CHID1: variants seen among roughly 807,000 people sequenced by gnomAD.
CHID1 encodes chitinase domain-containing protein 1.
Under a neutral mutation model 55.4 loss-of-function variants are expected in CHID1, and 44 were observed. That is an observed-to-expected ratio of 0.79 (90% CI 0.62 to 1.02). The LOEUF (loss-of-function observed/expected upper bound fraction) is 1.02, where lower values mean the gene tolerates loss of function less well. CHID1 is among the 50% of genes least tolerant of loss of function. CHID1 has a pLI of 0.00. For synonymous variants in CHID1, 216 were observed against 212.9 expected (o/e 1.01, Z -0.13); for missense variants, 491 against 515.3 (o/e 0.95, Z 0.46).
intron 8 of CHID1, among the ~76,000 whole-genome samples, chr11:891,228 T>C (rs879684735): frequency 2.0e-5 from 3 of 152,028 alleles, no homozygotes; most frequent in Non-Finnish European, 4.4e-5. Flanking sequence ...TGTGCTCCAG[T>C]GGAGCGGGCG....
chr11:907,956 G>A (rs562877640), intron 1 of CHID1, among the ~76,000 whole-genome samples: 2 of 152,324 alleles, frequency 1.3e-5, no homozygotes, highest in South Asian at 4.1e-4. Flanking sequence ...GCTTTCTTCT[G>A]CAGAGGCACA....
At chr11:874,176 A>AG (rs1206555505) in intron 10 of CHID1, among the ~76,000 whole-genome samples, 3 of 152,146 alleles carry the variant, frequency 2.0e-5, no homozygotes, top group Non-Finnish European at 2.9e-5. Context: ...TTAAAAACAG[A>AG]GGGGGCCGGG....
At chr11:890,229 C>T (rs1850704704) in intron 8 of CHID1, among the ~76,000 whole-genome samples, 1 of 152,370 alleles carries the variant, frequency 6.6e-6, no homozygotes, top group Middle Eastern at 3.4e-3. Flanking sequence ...TACGGTCCCC[C>T]ACAGAGGCCT....
intron 8 of CHID1, among the ~76,000 whole-genome samples, chr11:892,879 C>T (rs1036407994): frequency 3.3e-5 from 5 of 152,248 alleles, no homozygotes; most frequent in African/African-American, 4.8e-5. Context: ...TGTGCTGGCA[C>T]AGGCATGTGC....
Position 902,530 on chromosome 11 carries a change from G to A in CHID1, c.262-200C>T, listed in dbSNP as rs374479728. Among the ~76,000 whole-genome samples the A allele has an allele frequency of 1.1e-4, 16 of 152,250 alleles. No individual in the cohort carries two copies. The East Asian group carries it at 1.5e-3, about 15-fold the overall frequency. On this transcript the variant is annotated intron_variant, in intron 3 of 12. Coordinates refer to ENST00000323578, the MANE Select transcript of CHID1 (RefSeq NM_023947.4). ...ACTCACAGCCTGGGACCCAGGCCAC[G>A]ACATCCCTTTCACCAAAAGTGACTG...
chr11:899,923 G>T, intron 6 of CHID1, 81 bp downstream of exon 6: 1 of 944,332 alleles, frequency 1.1e-6, no homozygotes, highest in Non-Finnish European at 1.7e-6. Context: ...CCGAGTGGAG[G>T]CCTCGCGGGA....
Position 906,210 on chromosome 11 carries a change from C to T in CHID1, c.-43-1351G>A, listed in dbSNP as rs560948177. Among the ~76,000 whole-genome samples the T allele has an allele frequency of 2.6e-4, 40 of 151,606 alleles. No homozygotes were observed. The East Asian group carries it at 6.0e-3, about 23-fold the overall frequency. ...CGGCCCCCCCAAAGTGCTGGGATTA[C>T]AGGTGTGAGCCACTGCGCCCGGCTG... On this transcript the variant is annotated intron_variant, in intron 1 of 12. Coordinates refer to ENST00000323578, the MANE Select transcript of CHID1 (RefSeq NM_023947.4).
At chr11:893,681 G>A (rs1851023013) in intron 7 of CHID1, among the ~76,000 whole-genome samples, 162 bp from the exon 8 acceptor site, 1 of 152,116 alleles carries the variant, frequency 6.6e-6, no homozygotes, top group African/African-American at 2.4e-5. Context: ...TCCATCTCTG[G>A]ATGTAGCCCC....
At chr11:880,396 C>T (rs1335219625) in intron 10 of CHID1, among the ~76,000 whole-genome samples, 1 of 152,186 alleles carries the variant, frequency 6.6e-6, no homozygotes, top group Non-Finnish European at 1.5e-5. Flanking sequence ...CAGAGAACAG[C>T]GGGAGCCCAG....
chr11:900,980 C>T lies in CHID1; in HGVS notation c.395G>A (p.Gly132Glu). ...ATGCTTCCTGACAGCTCGCATCCAC[C>T]CTGTGGGACATGGAGGGGACAGTCA... ...EVTGLHDVDQGWMRAVRKHAK... is the reference protein window; with the variant it reads ...EVTGLHDVDQEWMRAVRKHAK... Residue 132 changes from glycine to glutamate, a missense_variant and splice_region_variant, in exon 5 of 13, where the codon GGG (glycine) becomes GAG (glutamate). By Grantham distance (98) the Gly-to-Glu change is moderately conservative (BLOSUM62 -2). Coordinates refer to ENST00000323578, the MANE Select transcript of CHID1 (RefSeq NM_023947.4). 2 of 1,599,316 alleles carry T rather than the reference C, an allele frequency of 1.3e-6. No homozygotes were observed. Among genetic ancestry groups the T allele is most frequent in the South Asian group, 1.1e-5 (1 of 88,756 alleles).
intron 7 of CHID1, among the ~76,000 whole-genome samples, chr11:897,278 G>T (rs1163378598): frequency 1.3e-5 from 2 of 151,762 alleles, no homozygotes; most frequent in Non-Finnish European, 2.9e-5. Flanking sequence ...GGCTGTCTCA[G>T]CACCTCCAGC....
rs532653739 is a variant in CHID1, at chr11:870,015, T to C, written c.1084-59A>G. On this transcript the variant is annotated intron_variant, in intron 12 of 12. Coordinates refer to ENST00000323578, the MANE Select transcript of CHID1 (RefSeq NM_023947.4). ...GGCCTGTCCCCCCAACACCCAGGGA[T>C]GTCCTCCAGGCCGAGGGGCAGCACC... 2.2e-5 allele frequency: 35 copies of C among 1,607,152 alleles called. No homozygotes were observed. In the African/African-American group the frequency reaches 2.9e-4, roughly 13 times the overall value.
At chr11:879,633 G>A (rs939330881) in intron 10 of CHID1, among the ~76,000 whole-genome samples, 2 of 152,200 alleles carry the variant, frequency 1.3e-5, no homozygotes, top group Non-Finnish European at 2.9e-5. Flanking sequence ...GGACTGAGAC[G>A]AAGCTGTTAT....
chr11:902,397 C>T, intron 3 of CHID1, 67 bp from the exon 4 acceptor site: 1 of 1,569,760 alleles, frequency 6.4e-7, no homozygotes, highest in South Asian at 1.1e-5. Context: ...ATGGTGCTGT[C>T]ATTCTGGCGC....
chr11:888,585 A>G (rs890612376), intron 8 of CHID1, among the ~76,000 whole-genome samples: 1 of 152,250 alleles, frequency 6.6e-6, no homozygotes, highest in South Asian at 2.1e-4. Context: ...AACAGGAATT[A>G]CTGCTCACAC....
chr11:884,083 T>C lies in CHID1; in HGVS notation c.788A>G (p.Tyr263Cys), dbSNP rs1434380846. ...CCACACTCACTGATGCGCTGTAGAG[T>C]AGTCGTAGGTCATGAGGCTGAAACC... ...LDGFSLMTYD[Y>C]STAHQPGPNA... The change falls in exon 9 of 13, where the codon TAC becomes TGC. Residue 263 changes from tyrosine to cysteine, a missense_variant. Physicochemically the swap from Tyr to Cys is radical, Grantham distance 194. Transcript: ENST00000323578. 2 of 1,613,540 alleles carry C rather than the reference T, an allele frequency of 1.2e-6. No individual in the cohort carries two copies. Among genetic ancestry groups the C allele is most frequent in the African/African-American group, 1.3e-5 (1 of 74,902 alleles).
At chr11:906,580 T>C (rs1852231796) in intron 1 of CHID1, among the ~76,000 whole-genome samples, 1 of 152,120 alleles carries the variant, frequency 6.6e-6, no homozygotes, top group African/African-American at 2.4e-5. Flanking sequence ...TCCCAGATGC[T>C]GGAACACAGA....
chr11:904,340 G>A (rs548251102), intron 2 of CHID1, among the ~76,000 whole-genome samples: 6 of 152,212 alleles, frequency 3.9e-5, no homozygotes, highest in Admixed American at 6.5e-5. Context: ...GTCCCAAAAA[G>A]CATGAGGCAA....
At chr11:898,646 G>A (rs1851569303) in intron 7 of CHID1, among the ~76,000 whole-genome samples, 1 of 152,222 alleles carries the variant, frequency 6.6e-6, no homozygotes, top group African/African-American at 2.4e-5. Flanking sequence ...GCTTGGGCAG[G>A]ACCAAGGAAG....
Sources: allele counts gnomAD v4.1 joint callset (sites outside exome capture counted in the v4.1 genomes callset), GRCh38; gene constraint gnomAD v4.1.1; transcripts MANE v1.5; gene names NCBI Gene and HGNC (gene_info 2026-07-23, HGNC 2026-07-21).